CAAP1: variants seen among roughly 807,000 people sequenced by gnomAD.
CAAP1 encodes the protein caspase activity and apoptosis inhibitor 1.
Under a neutral mutation model 34.0 loss-of-function variants are expected in CAAP1, and 20 were observed. The ratio of observed to expected loss-of-function variants is 0.59; its 90% CI spans 0.41 to 0.86. CAAP1 has a LOEUF of 0.86. Ranked by LOEUF, CAAP1 falls within the 40% of genes least tolerant of loss-of-function variation. The pLI is 0.00. For missense variants in CAAP1, 538 were observed against 450.5 expected (o/e 1.19, Z -1.76); for synonymous variants, 213 against 166.7 (o/e 1.28, Z -2.14).
chr9:26,850,817 T>A (rs958346868), intron 5 of CAAP1, among the ~76,000 whole-genome samples: 1 of 152,210 alleles, frequency 6.6e-6, no homozygotes, highest in African/African-American at 2.4e-5. Flanking sequence ...CTAATTTAGA[T>A]TTAAGTGCAT....
Position 26,892,659 on chromosome 9 carries a change from C to T in CAAP1, c.57G>A (p.Ala19=). Residue 19 remains alanine, a synonymous_variant, in exon 1 of 6, where the codon GCG becomes GCA. Transcript: ENST00000333916. ...TGTCCGGGGCCGCGAGCGCTGCGGC[C>T]GCCTCCTGACTGCTACGTTTGCGCC... The part of the protein sequence containing the change: ...EKRRKRSSQE[A]AAALAAPDIV... 1 of 1,607,250 alleles carries T rather than the reference C, an allele frequency of 6.2e-7. No individual in the cohort carries two copies. The highest frequency in any genetic ancestry group is 1.1e-5 in the South Asian group (1 of 90,958).
chr9:26,882,608 C>G (rs1185691443), intron 4 of CAAP1, among the ~76,000 whole-genome samples: 1 of 152,128 alleles, frequency 6.6e-6, no homozygotes, highest in Admixed American at 6.5e-5. Context: ...GGGGTTGAAG[C>G]CTCCACACAC....
chr9:26,849,878 G>A (rs1319526624), intron 5 of CAAP1, among the ~76,000 whole-genome samples: 2 of 148,458 alleles, frequency 1.3e-5, no homozygotes, highest in East Asian at 2.0e-4. Context: ...TCACTCTGTC[G>A]CCCAGGCTGG....
chr9:26,869,973 ATTGAC>A (rs1309325678), intron 4 of CAAP1: 92 of 984,094 alleles, frequency 9.3e-5, no homozygotes, highest in Non-Finnish European at 1.1e-4. Context: ...GAGGCAGTAA[ATTGAC>A]TGATGGAAAA....
At chr9:26,857,572 C>T (rs148504974) in intron 5 of CAAP1, among the ~76,000 whole-genome samples, 2 of 152,230 alleles carry the variant, frequency 1.3e-5, no homozygotes, top group African/African-American at 4.8e-5. Context: ...ATGGAGGTTA[C>T]AGTGAGCTGA....
intron 4 of CAAP1, among the ~76,000 whole-genome samples, chr9:26,883,315 G>A (rs1160045917): frequency 6.6e-6 from 1 of 152,132 alleles, no homozygotes; most frequent in Non-Finnish European, 1.5e-5. Context: ...GGTGGTTTTA[G>A]ATCCATCAGA....
chr9:26,862,517 C>G (rs948461457), intron 4 of CAAP1, among the ~76,000 whole-genome samples: 2 of 151,850 alleles, frequency 1.3e-5, no homozygotes, highest in African/African-American at 4.8e-5. Context: ...ATATAATATT[C>G]TAGCTGAGAA....
intron 3 of CAAP1, among the ~76,000 whole-genome samples, chr9:26,885,222 G>A (rs947060553): frequency 2.6e-5 from 4 of 151,554 alleles, no homozygotes; most frequent in Admixed American, 6.6e-5. Flanking sequence ...GACTACAGGC[G>A]CCCGCCACCA....
chr9:26,849,411 C>T (rs1339951050), intron 5 of CAAP1, among the ~76,000 whole-genome samples: 1 of 152,140 alleles, frequency 6.6e-6, no homozygotes, highest in Non-Finnish European at 1.5e-5. Flanking sequence ...AGGAATATAT[C>T]GTATCTTCTT....
At chr9:26,854,823 T>C (rs1233796733) in intron 5 of CAAP1, among the ~76,000 whole-genome samples, 1 of 152,174 alleles carries the variant, frequency 6.6e-6, no homozygotes, top group Non-Finnish European at 1.5e-5. Context: ...CATTAGGGAA[T>C]TGCATAAGAA....
intron 5 of CAAP1, among the ~76,000 whole-genome samples, chr9:26,851,073 T>C (rs1014060309): frequency 2.2e-4 from 33 of 152,192 alleles, no homozygotes; most frequent in Non-Finnish European, 3.5e-4. Context: ...CTTTTACACA[T>C]GTCATGATGG....
chr9:26,864,495 T>A (rs569801419), intron 4 of CAAP1, among the ~76,000 whole-genome samples: 2 of 152,134 alleles, frequency 1.3e-5, no homozygotes, highest in African/African-American at 4.8e-5. Flanking sequence ...AGGAAACTTA[T>A]CTCTGTTTCC....
At chr9:26,875,113 T>G (rs1471026482) in intron 4 of CAAP1, among the ~76,000 whole-genome samples, 1 of 152,142 alleles carries the variant, frequency 6.6e-6, no homozygotes, top group Non-Finnish European at 1.5e-5. Flanking sequence ...TATGTCTCTT[T>G]CTAATTAAAA....
At chr9:26,860,624 C>G (rs905003577) in intron 5 of CAAP1, among the ~76,000 whole-genome samples, 3 of 152,060 alleles carry the variant, frequency 2.0e-5, no homozygotes, top group Non-Finnish European at 4.4e-5. Flanking sequence ...AACCCTGTCT[C>G]TACTAAAAAT....
At chr9:26,878,250 T>C (rs554529213) in intron 4 of CAAP1, among the ~76,000 whole-genome samples, 38 of 152,352 alleles carry the variant, frequency 2.5e-4, no homozygotes, top group African/African-American at 9.1e-4. Context: ...TTAATTTAGC[T>C]TGGCATGTGC....
chr9:26,870,727 C>T (rs1009285882), intron 4 of CAAP1, among the ~76,000 whole-genome samples: 1 of 151,754 alleles, frequency 6.6e-6, no homozygotes, highest in Non-Finnish European at 1.5e-5. Context: ...GGTGATCCCC[C>T]TGCCTCAGTC....
intron 4 of CAAP1, among the ~76,000 whole-genome samples, chr9:26,881,364 T>C (rs1473975106): frequency 6.6e-6 from 1 of 152,220 alleles, no homozygotes; most frequent in African/African-American, 2.4e-5. Context: ...AAGTTTCAAC[T>C]TGAATTGTAG....
In CAAP1 at chr9:26,887,738, T is replaced by C. The variant is rs189931716; in HGVS notation, c.304-225A>G. Among the ~76,000 whole-genome samples, 102 of 152,318 alleles carry C rather than the reference T, an allele frequency of 6.7e-4. 1 individual carries two copies. Among genetic ancestry groups the C allele is most frequent in the African/African-American group, 2.3e-3 (96 of 41,574 alleles). ...CAAGGAGTAGCTATAAGGGAAGAGATATTTAGGATACACAAACAAAAGTAT... is the reference window on the plus strand; with the variant it reads ...CAAGGAGTAGCTATAAGGGAAGAGACATTTAGGATACACAAACAAAAGTAT... On this transcript the variant is annotated intron_variant, in intron 1 of 5. Transcript: ENST00000333916.
chr9:26,880,822 C>T (rs965428530), intron 4 of CAAP1, among the ~76,000 whole-genome samples: 8 of 152,096 alleles, frequency 5.3e-5, no homozygotes, highest in Admixed American at 2.6e-4. Context: ...ATTACAGGCA[C>T]ACATCACCAT....
Sources: gnomAD v4.1 joint callset for allele counts (sites outside exome capture counted in the v4.1 genomes callset) on GRCh38, gnomAD v4.1.1 for gene constraint, MANE v1.5 for transcripts, NCBI Gene and HGNC (gene_info 2026-07-23, HGNC 2026-07-21) for gene names.